Variants in CFAP77 observed in about 807,000 individuals in gnomAD.
The protein encoded by CFAP77 is cilia and flagella associated protein 77.
CFAP77 carries 25 observed loss-of-function variants against 31.1 expected under a neutral mutation model. The ratio of observed to expected loss-of-function variants is 0.80; its 90% CI spans 0.59 to 1.12. CFAP77 has a LOEUF of 1.12. CFAP77 is among the 50% of genes most tolerant of loss of function. The probability of loss-of-function intolerance (pLI) is 0.00; values close to 1 mark genes in which losing one functional copy is unlikely to be tolerated. For synonymous variants in CFAP77, 151 were observed against 159.9 expected, an observed-to-expected ratio of 0.94 and a Z score of 0.42; for missense variants, 377 against 397.3, an observed-to-expected ratio of 0.95 and a Z score of 0.44.
At position 132,497,831 on chromosome 9, in the gene CFAP77, AT is replaced by A. The variant is rs1407337445; in HGVS notation, c.196-863del. Among the ~76,000 whole-genome samples, 2 of 152,090 alleles carry A rather than the reference AT, an allele frequency of 1.3e-5. No homozygotes were observed. The highest frequency in any genetic ancestry group is 2.9e-5 in the Non-Finnish European group (2 of 68,008). ...AGTGCCCACTGATGCAGCGGGTGCG[AT>A]GGGGTTCGAAGCACTGTGCAGGACA... On this transcript the variant is annotated intron_variant, in intron 1 of 5. Coordinates refer to ENST00000393216, the MANE Select transcript of CFAP77 (RefSeq NM_001282957.2). This position sits in a 1 kb window ranked among gnomAD's most constrained non-coding sequence, Gnocchi z 4.9.
At chr9:132,450,616 G>T (rs938514717) in intron 1 of CFAP77, among the ~76,000 whole-genome samples, 1 of 152,188 alleles carries the variant, frequency 6.6e-6, no homozygotes. Context: ...GAAGAGCAGA[G>T]ATTTGAACTC....
At chr9:132,509,702 G>A (rs1038172073) in intron 3 of CFAP77, among the ~76,000 whole-genome samples, 1 of 152,148 alleles carries the variant, frequency 6.6e-6, no homozygotes, top group Non-Finnish European at 1.5e-5. Context: ...CCGGGAGGTC[G>A]AGGTTGCAGT....
chr9:132,482,266 TA>T, intron 1 of CFAP77: 1 of 1,455,084 alleles, frequency 6.9e-7, no homozygotes, highest in Non-Finnish European at 9.6e-7. Flanking sequence ...CCTTGACAGC[TA>T]AACTGACCAA....
intron 3 of CFAP77, among the ~76,000 whole-genome samples, chr9:132,525,670 CAT>C (rs961331555): frequency 1.4e-4 from 22 of 152,198 alleles, no homozygotes; most frequent in African/African-American, 1.7e-4. Flanking sequence ...AGTTTTATCA[CAT>C]GTGTAGATTT....
At chr9:132,448,930 G>T (rs999868787) in intron 1 of CFAP77, among the ~76,000 whole-genome samples, 1 of 152,082 alleles carries the variant, frequency 6.6e-6, no homozygotes, top group Admixed American at 6.5e-5. Flanking sequence ...GGAGATACAC[G>T]AAGAGACCAA....
At chr9:132,438,543 T>TA (rs1564204145) in intron 1 of CFAP77, among the ~76,000 whole-genome samples, 1,509 of 88,018 alleles carry the variant, frequency 0.017, 12 homozygotes, top group Middle Eastern at 0.044. Context: ...ATATATATAT[T>TA]TTTTTTTTTT....
chr9:132,519,778 A>ATG (rs1852233553), intron 3 of CFAP77, among the ~76,000 whole-genome samples: 2 of 26,484 alleles, frequency 7.6e-5, no homozygotes, highest in African/African-American at 2.7e-4. Context: ...ATGGGTGGAT[A>ATG]GATGGATGGA....
In CFAP77 at chr9:132,512,528, G is replaced by A. The variant is rs79851026; in HGVS notation, c.524+12928G>A. On this transcript the variant is annotated intron_variant, in intron 3 of 5. Transcript: ENST00000393216. Reference sequence around the variant, plus strand: ...CAGAGTGTCCTGCATTTTAGGTGTCGTTGGGTTTTGAGAAAACAATCTTTA... The same window carrying A: ...CAGAGTGTCCTGCATTTTAGGTGTCATTGGGTTTTGAGAAAACAATCTTTA... 1.1e-3 allele frequency among the ~76,000 whole-genome samples: 171 copies of A among 152,258 alleles called. 1 individual carries two copies. The East Asian group carries it at 0.025, about 23-fold the overall frequency.
At chr9:132,415,691 T>C (rs1309304690) in intron 1 of CFAP77, among the ~76,000 whole-genome samples, 1 of 152,210 alleles carries the variant, frequency 6.6e-6, no homozygotes, top group African/African-American at 2.4e-5. Flanking sequence ...CATTCCAGGC[T>C]CAAGCGTTGC....
At chr9:132,550,600 A>T (rs569362586) in intron 5 of CFAP77, among the ~76,000 whole-genome samples, 48 of 149,390 alleles carry the variant, frequency 3.2e-4, no homozygotes, top group African/African-American at 1.1e-3. Context: ...TTATGGCTCA[A>T]TGCAGCCTCT....
rs145456774 is a variant in CFAP77, at chr9:132,563,883, C to A, written c.733-8505C>A. On this transcript the variant is annotated intron_variant, in intron 5 of 5. Transcript: ENST00000393216. ...TGAGCATACTGTCCTGTTTTTTGGC[C>A]ACTCAGATTTCCCCTCTGGAAACCA... 1.9e-3 allele frequency among the ~76,000 whole-genome samples: 282 copies of A among 152,266 alleles called. 1 individual carries two copies. Among genetic ancestry groups the A allele is most frequent in the African/African-American group, 6.4e-3 (267 of 41,562 alleles).
In CFAP77 at chr9:132,545,423, TC is replaced by T. The variant is rs1460389553; in HGVS notation, c.732+2377del. 6.6e-6 allele frequency among the ~76,000 whole-genome samples: 1 copy of T among 151,828 alleles called. No individual in the cohort carries two copies. Among genetic ancestry groups the T allele is most frequent in the Admixed American group, 6.5e-5 (1 of 15,268 alleles). ...GGCCCAAGCCGAGACACATGACCTA[TC>T]GGGCCATAAAACTCATGAGAAAGAA... On this transcript the variant is annotated intron_variant, in intron 5 of 5. Transcript: ENST00000393216. This position sits in a 1 kb window ranked among gnomAD's most constrained non-coding sequence, Gnocchi z 4.6.
intron 1 of CFAP77, chr9:132,482,225 A>G (rs1851460206): frequency 2.6e-6 from 2 of 763,542 alleles, no homozygotes; most frequent in Non-Finnish European, 4.3e-6. Context: ...TTTTTCTTAA[A>G]TCTGCTCACT....
At chr9:132,536,228 T>C (rs911964981) in intron 3 of CFAP77, among the ~76,000 whole-genome samples, 1 of 152,124 alleles carries the variant, frequency 6.6e-6, no homozygotes, top group South Asian at 2.1e-4. Flanking sequence ...CTGGACATTC[T>C]GGGTTGGCTG....
rs1292991423 is a variant in CFAP77, at chr9:132,572,619, G to A, written c.*109G>A. On this transcript the variant is annotated 3_prime_UTR_variant, in exon 6 of 6. Transcript: ENST00000393216. ...ATTCCCCCATTTTTATGCAGGTTCT[G>A]CTTCAAGGAGCTCAGATTCAAGTCT... The A allele has an allele frequency of 1.6e-5, 18 of 1,104,194 alleles. No homozygotes were observed. The highest frequency in any genetic ancestry group is 1.6e-4 in the Admixed American group (6 of 38,284). The allele number at this position is 1,104,194 out of a possible 1,614,324, so 68.4% of individuals were successfully genotyped here.
chr9:132,548,498 C>T (rs1459407526), intron 5 of CFAP77, among the ~76,000 whole-genome samples: 2 of 152,172 alleles, frequency 1.3e-5, no homozygotes, highest in Non-Finnish European at 2.9e-5. Context: ...AACGCTCGCA[C>T]GCTGCTGGCC....
At chr9:132,488,216 G>C (rs984491898) in intron 1 of CFAP77, among the ~76,000 whole-genome samples, 2 of 152,144 alleles carry the variant, frequency 1.3e-5, no homozygotes, top group Admixed American at 1.3e-4. Flanking sequence ...GGGCTAGCTC[G>C]TGATGGAATG....
At chr9:132,563,493 AC>A (rs1266653918) in intron 5 of CFAP77, among the ~76,000 whole-genome samples, 2 of 152,112 alleles carry the variant, frequency 1.3e-5, no homozygotes, top group Non-Finnish European at 2.9e-5. Flanking sequence ...AAGGTGTTCC[AC>A]CCTCTGAATT....
intron 1 of CFAP77, among the ~76,000 whole-genome samples, chr9:132,466,103 TA>T (rs372691624): frequency 3.3e-5 from 5 of 152,318 alleles, no homozygotes; most frequent in Non-Finnish European, 5.9e-5. Context: ...CACTTTTTTT[TA>T]AAGACATGGT....
Sources: gnomAD v4.1 joint callset for allele counts (sites outside exome capture counted in the v4.1 genomes callset) on GRCh38, gnomAD v4.1.1 for gene constraint, Gnocchi (gnomAD v3.1) non-coding constraint, MANE v1.5 for transcripts, NCBI Gene and HGNC (gene_info 2026-07-23, HGNC 2026-07-21) for gene names.